FRMD4A: variants seen among roughly 807,000 people sequenced by gnomAD.
FRMD4A encodes FERM domain containing 4A.
In FRMD4A, 29 loss-of-function variants were observed where a neutral mutation model predicts 129.1. The ratio of observed to expected loss-of-function variants is 0.22; its 90% CI spans 0.17 to 0.31. The LOEUF (loss-of-function observed/expected upper bound fraction) is 0.31. Ranked by LOEUF, FRMD4A falls within the 10% of genes least tolerant of loss-of-function variation. FRMD4A has a pLI of 1.00. For missense variants in FRMD4A, 1,272 were observed against 1,375.8 expected, an observed-to-expected ratio of 0.92 and a Z score of 1.19; for synonymous variants, 634 against 571.6, an observed-to-expected ratio of 1.11 and a Z score of -1.56.
At chr10:13,729,515 A>C (rs2090178493) in intron 12 of FRMD4A, 1 of 152,206 alleles carries the variant, frequency 6.6e-6, no homozygotes, top group Non-Finnish European at 1.5e-5. Flanking sequence ...TATTTCCTGT[A>C]AATATTATTT....
Position 13,762,608 on chromosome 10 carries a change from G to A in FRMD4A, c.441+16C>T, listed in dbSNP as rs781669064. 4 of 1,491,784 alleles carry A rather than the reference G, an allele frequency of 2.7e-6. No individual in the cohort carries two copies. Among genetic ancestry groups the A allele is most frequent in the South Asian group, 1.1e-5 (1 of 88,438 alleles). 92.4% of individuals were successfully genotyped at this position (1,491,784 alleles called of 1,614,324 possible). On this transcript the variant is annotated intron_variant, in intron 7 of 24. Transcript: ENST00000357447. ...TATGGCCGTGGGACATAAAGAGGAG[G>A]AGAAAAACAACTTACCTGTAAAATA...
intron 2 of FRMD4A, among the ~76,000 whole-genome samples, chr10:14,072,402 T>A (rs114599547): frequency 1.3e-4 from 20 of 152,352 alleles, no homozygotes; most frequent in African/African-American, 4.6e-4. Context: ...TGGATTCACA[T>A]ATCCTCCGTC....
chr10:14,288,499 C>T (rs1446534719), intron 2 of FRMD4A, among the ~76,000 whole-genome samples: 1 of 152,170 alleles, frequency 6.6e-6, no homozygotes, highest in Admixed American at 6.5e-5. Context: ...AAGGATGCTG[C>T]ATTATGGAAT....
intron 2 of FRMD4A, among the ~76,000 whole-genome samples, chr10:14,151,558 G>C (rs1039078474): frequency 2.0e-5 from 3 of 152,178 alleles, no homozygotes; most frequent in Non-Finnish European, 4.4e-5. Context: ...TCTAATATTT[G>C]AGTGATGGGT....
intron 2 of FRMD4A, among the ~76,000 whole-genome samples, chr10:13,983,145 G>A (rs548838089): frequency 2.0e-5 from 3 of 152,222 alleles, no homozygotes; most frequent in African/African-American, 7.2e-5. Context: ...ATTTTTAGTG[G>A]AGATGAGGTT....
At chr10:13,989,771 C>T (rs760212701) in intron 2 of FRMD4A, among the ~76,000 whole-genome samples, 23 of 152,098 alleles carry the variant, frequency 1.5e-4, no homozygotes, top group Admixed American at 1.3e-4. Context: ...GGGAGTGGCC[C>T]TATAGTTAAG....
chr10:13,817,897 G>A (rs7073278), intron 3 of FRMD4A, among the ~76,000 whole-genome samples: 10,304 of 152,210 alleles, frequency 0.068, 482 homozygotes, highest in East Asian at 0.17. Flanking sequence ...TCAAGGATGA[G>A]GTAGCACCCA....
chr10:14,309,498 A>G (rs1470284112), intron 2 of FRMD4A, among the ~76,000 whole-genome samples: 1 of 152,164 alleles, frequency 6.6e-6, no homozygotes, highest in African/African-American at 2.4e-5. Context: ...AAAACCGTAT[A>G]GAGTCACCAA....
At chr10:13,971,731 C>T (rs563980065) in intron 2 of FRMD4A, 1 of 1,304,392 alleles carries the variant, frequency 7.7e-7, no homozygotes, top group South Asian at 1.2e-5. Context: ...CTTGGCAGGT[C>T]CTCAGCGCCC....
intron 24 of FRMD4A, among the ~76,000 whole-genome samples, chr10:13,650,259 A>G (rs775995393): frequency 6.6e-6 from 1 of 152,188 alleles, no homozygotes; most frequent in East Asian, 1.9e-4. Context: ...CTGGTGGCAC[A>G]TACTGGGGTT....
chr10:14,076,348 A>C (rs554238620), intron 2 of FRMD4A, among the ~76,000 whole-genome samples: 3 of 152,210 alleles, frequency 2.0e-5, no homozygotes, highest in Non-Finnish European at 2.9e-5. Context: ...CCACATTAAA[A>C]TGTGGATCAT....
chr10:14,055,124 A>G (rs1406688572), intron 2 of FRMD4A, among the ~76,000 whole-genome samples: 1 of 152,000 alleles, frequency 6.6e-6, no homozygotes, highest in Non-Finnish European at 1.5e-5. Context: ...AGAGCACTGA[A>G]GTACTTCAGA....
intron 3 of FRMD4A, among the ~76,000 whole-genome samples, chr10:13,854,493 T>C (rs564263721): frequency 4.9e-4 from 75 of 152,216 alleles, no homozygotes; most frequent in Middle Eastern, 3.4e-3. Flanking sequence ...TGATCTTGGC[T>C]CACTGCAACC....
At chr10:13,964,746 ACTGCAACCTCTGCCTCC>A (rs1173664677) in intron 2 of FRMD4A, among the ~76,000 whole-genome samples, 14 of 147,128 alleles carry the variant, frequency 9.5e-5, no homozygotes, top group South Asian at 2.1e-4. Flanking sequence ...ATCTCAGCTC[ACTGCAACCTCTGCCTCC>A]CTGCAACCTC....
chr10:14,258,141 A>G (rs1844679835), intron 2 of FRMD4A, among the ~76,000 whole-genome samples: 2 of 152,072 alleles, frequency 1.3e-5, no homozygotes, highest in African/African-American at 4.8e-5. Context: ...AAAATAGGAC[A>G]CAAGAGCACA....
chr10:13,919,944 C>G (rs1408411341), intron 2 of FRMD4A, among the ~76,000 whole-genome samples: 1 of 151,970 alleles, frequency 6.6e-6, no homozygotes, highest in African/African-American at 2.4e-5. Flanking sequence ...TCTCAAAAAA[C>G]AAACAAACAA....
intron 3 of FRMD4A, among the ~76,000 whole-genome samples, chr10:13,836,616 G>T (rs887887292): frequency 6.6e-6 from 1 of 152,048 alleles, no homozygotes; most frequent in Non-Finnish European, 1.5e-5. Flanking sequence ...AATTACATCG[G>T]GTCCTTGTTC....
chr10:13,992,876 C>T (rs768408003), intron 2 of FRMD4A, among the ~76,000 whole-genome samples: 18 of 149,440 alleles, frequency 1.2e-4, no homozygotes, highest in Non-Finnish European at 2.5e-4. Flanking sequence ...TCGCTTGACC[C>T]CCGGTGGCAG....
At chr10:14,109,972 C>G (rs932523495) in intron 2 of FRMD4A, among the ~76,000 whole-genome samples, 2 of 147,954 alleles carry the variant, frequency 1.4e-5, no homozygotes, top group African/African-American at 5.0e-5. Flanking sequence ...CTCCGTCTCC[C>G]TCCCCCAAAC....
Sources: allele counts gnomAD v4.1 joint callset (sites outside exome capture counted in the v4.1 genomes callset), GRCh38; gene constraint gnomAD v4.1.1; transcripts MANE v1.5; gene names NCBI Gene and HGNC (gene_info 2026-07-23, HGNC 2026-07-21).